The following CCDC33 variants were observed in gnomAD, a reference collection of about 807,000 sequenced individuals.
CCDC33 encodes coiled-coil domain-containing protein 33.
In CCDC33, 94 loss-of-function variants were observed where a neutral mutation model predicts 91.9. That is an observed-to-expected ratio of 1.02 (90% confidence interval 0.87 to 1.21). The LOEUF is 1.21. CCDC33 is among the 50% of genes most tolerant of loss of function. The pLI is 0.00. For synonymous variants in CCDC33, 396 were observed against 374.5 expected (o/e 1.06, Z -0.66); for missense variants, 940 against 935.5 (o/e 1.00, Z -0.06).
chr15:74,230,407 T>A (rs550976157), intron 2 of CCDC33, among the ~76,000 whole-genome samples: 7 of 152,294 alleles, frequency 4.6e-5, no homozygotes, highest in African/African-American at 1.7e-4. Flanking sequence ...CATTGCTCAC[T>A]CCTTTATTCA....
intron 2 of CCDC33, among the ~76,000 whole-genome samples, chr15:74,220,314 C>T (rs1239304963): frequency 6.6e-6 from 1 of 152,216 alleles, no homozygotes; most frequent in African/African-American, 2.4e-5. Context: ...TCAATCAACA[C>T]ATACTTTTGA....
chr15:74,331,274 G>A lies in CCDC33; in HGVS notation c.1749G>A (p.Arg583=). The A allele has an allele frequency of 6.2e-7, 1 of 1,614,064 alleles. No individual in the cohort carries two copies. The highest frequency in any genetic ancestry group is 8.5e-7 in the Non-Finnish European group (1 of 1,179,958). ...GGAGCAAGCCCCCTCCTCTGAACAGGCAGCAGGGAAAGCCCTACACGGGTG... is the reference window on the plus strand; with the variant it reads ...GGAGCAAGCCCCCTCCTCTGAACAGACAGCAGGGAAAGCCCTACACGGGTG... ...QDRSKPPPLN[R]QQGKPYTGFP... The change falls in exon 15 of 19, where the codon AGG becomes AGA. Residue 583 remains arginine, a synonymous_variant. Coordinates refer to ENST00000398814, the MANE Select transcript of CCDC33 (RefSeq NM_025055.5).
intron 11 of CCDC33, among the ~76,000 whole-genome samples, chr15:74,312,543 C>G (rs2060012332): frequency 6.6e-6 from 1 of 152,178 alleles, no homozygotes; most frequent in South Asian, 2.1e-4. Context: ...CCCCGCACCA[C>G]CCCTCCTGAG....
chr15:74,266,794 C>T lies in CCDC33; in HGVS notation c.429+7C>T. 1 of 1,604,346 alleles carries T rather than the reference C, an allele frequency of 6.2e-7. No homozygotes were observed. Among genetic ancestry groups the T allele is most frequent in the Non-Finnish European group, 8.5e-7 (1 of 1,171,168 alleles). ...CCACTTTGAGCTGGTGAAGGTGAGT[C>T]AGAGGCCTGGGGAAGTGCCGGGAGA... On this transcript the variant is annotated splice_region_variant and intron_variant, in intron 4 of 18. Transcript: ENST00000398814.
At chr15:74,288,604 C>G (rs1007359729) in intron 10 of CCDC33, among the ~76,000 whole-genome samples, 2 of 152,176 alleles carry the variant, frequency 1.3e-5, no homozygotes, top group African/African-American at 4.8e-5. Flanking sequence ...ATCTTGCCTC[C>G]CTGCTGTTCT....
chr15:74,327,015 G>A (rs1312548579), intron 11 of CCDC33, among the ~76,000 whole-genome samples: 2 of 152,204 alleles, frequency 1.3e-5, no homozygotes, highest in East Asian at 1.9e-4. Flanking sequence ...TGCTGTGCGG[G>A]TGGGGGAAGC....
chr15:74,266,769 C>G lies in CCDC33; in HGVS notation c.411C>G (p.Tyr137Ter). ...AGTACCTGCGTGTCTTCCACCCCTA[C>G]CACTTTGAGCTGGTGAAGGTGAGTC... ...PIKYLRVFHPYHFELVKPTES... is the reference protein window; with the variant it reads ...PIKYLRVFHP The change falls in exon 4 of 19, where the codon TAC (tyrosine) becomes TAG (stop). Residue 137 changes from tyrosine to a stop codon, truncating the protein, a stop_gained. Coordinates refer to ENST00000398814, the MANE Select transcript of CCDC33 (RefSeq NM_025055.5). LOFTEE classifies it high-confidence loss of function. The G allele has an allele frequency of 6.2e-7, 1 of 1,613,746 alleles. No homozygotes were observed. The highest frequency in any genetic ancestry group is 1.1e-5 in the South Asian group (1 of 91,078).
rs749075303 is a variant in CCDC33 at position 74,295,879 on chromosome 15, G to A, written c.1221G>A (p.Met407Ile). Residue 407 changes from methionine to isoleucine, a missense_variant, in exon 11 of 19, where the codon ATG becomes ATA. Transcript: ENST00000398814. ...SWSKDTVSST[M>I]DLSTSTPREA... ...CCAAGGACACAGTGAGCTCCACAATGGACTTGAGCACGTCCACTCCACGAG... is the reference window on the plus strand; with the variant it reads ...CCAAGGACACAGTGAGCTCCACAATAGACTTGAGCACGTCCACTCCACGAG... 2.5e-6 allele frequency: 4 copies of A among 1,614,020 alleles called. No homozygotes were observed. Among genetic ancestry groups the A allele is most frequent in the Non-Finnish European group, 3.4e-6 (4 of 1,180,012 alleles).
At chr15:74,317,344 G>C (rs1050100265) in intron 11 of CCDC33, among the ~76,000 whole-genome samples, 2 of 152,182 alleles carry the variant, frequency 1.3e-5, no homozygotes, top group Non-Finnish European at 2.9e-5. Context: ...CTGGGAGACA[G>C]AGCAAGAGAC....
intron 2 of CCDC33, among the ~76,000 whole-genome samples, chr15:74,229,545 CAT>C (rs1370307583): frequency 6.6e-6 from 1 of 152,188 alleles, no homozygotes; most frequent in African/African-American, 2.4e-5. Context: ...GCACCTACCT[CAT>C]ATGTCATTGT....
chr15:74,246,023 A>G (rs905964658), intron 2 of CCDC33, among the ~76,000 whole-genome samples: 2 of 152,238 alleles, frequency 1.3e-5, no homozygotes, highest in Non-Finnish European at 2.9e-5. Flanking sequence ...GGGAGGATCC[A>G]GACCCTCAGA....
chr15:74,254,337 C>T (rs1009530712), intron 2 of CCDC33, among the ~76,000 whole-genome samples: 1 of 152,144 alleles, frequency 6.6e-6, no homozygotes, highest in East Asian at 1.9e-4. Flanking sequence ...GGACGCCTCT[C>T]TCAATTTTTA....
chr15:74,318,174 G>A (rs2060131651), intron 11 of CCDC33, among the ~76,000 whole-genome samples: 1 of 151,808 alleles, frequency 6.6e-6, no homozygotes, highest in South Asian at 2.1e-4. Context: ...CAGGGACAGA[G>A]GGTGAGGCTC....
chr15:74,334,181 T>C (rs575355616), intron 17 of CCDC33, among the ~76,000 whole-genome samples: 193 of 152,006 alleles, frequency 1.3e-3, no homozygotes, highest in Non-Finnish European at 2.1e-3. Flanking sequence ...GGGTTCAGTG[T>C]ACAACCAGGG....
intron 2 of CCDC33, among the ~76,000 whole-genome samples, chr15:74,210,860 C>T (rs951417503): frequency 1.3e-5 from 2 of 152,172 alleles, no homozygotes; most frequent in Non-Finnish European, 2.9e-5. Flanking sequence ...CTCTTTACCC[C>T]CTCCTCCTTC....
rs142120320 is a variant in CCDC33 at position 74,295,791 on chromosome 15, C to A, written c.1133C>A (p.Ala378Asp). The stretch of plus-strand genomic sequence containing the variant: ...TTCTTGACACCAAACAACAGCAAGG[C>A]TCTTCCTACCTTGGACCCCAAGATC... ...ENFLTPNNSKALPTLDPKILD... is the reference protein window; with the variant it reads ...ENFLTPNNSKDLPTLDPKILD... The change falls in exon 11 of 19, where the codon GCT becomes GAT. Residue 378 changes from alanine to aspartate, a missense_variant. Transcript: ENST00000398814. The A allele has an allele frequency of 4.3e-6, 7 of 1,613,810 alleles. No homozygotes were observed. Among genetic ancestry groups the A allele is most frequent in the Non-Finnish European group, 5.1e-6 (6 of 1,179,946 alleles).
At chr15:74,263,619 T>C (rs895164283) in intron 3 of CCDC33, among the ~76,000 whole-genome samples, 1 of 152,214 alleles carries the variant, frequency 6.6e-6, no homozygotes, top group Non-Finnish European at 1.5e-5. Context: ...TTTAAGAAGA[T>C]GCAAAAGAGG....
chr15:74,321,644 G>A (rs1293084065), intron 11 of CCDC33, among the ~76,000 whole-genome samples: 4 of 151,890 alleles, frequency 2.6e-5, no homozygotes, highest in Non-Finnish European at 5.9e-5. Flanking sequence ...TGAGTGATCC[G>A]CCCCCCTCGG....
At chr15:74,283,508 G>A (rs1003277775) in intron 10 of CCDC33, among the ~76,000 whole-genome samples, 1 of 152,226 alleles carries the variant, frequency 6.6e-6, no homozygotes, top group African/African-American at 2.4e-5. Flanking sequence ...ATTCACCGGA[G>A]CTGTGCTAAG....
Sources: gnomAD v4.1 joint callset for allele counts (sites outside exome capture counted in the v4.1 genomes callset) on GRCh38, gnomAD v4.1.1 for gene constraint, MANE v1.5 for transcripts, NCBI Gene and HGNC (gene_info 2026-07-23, HGNC 2026-07-21) for gene names.